SLC5A10: variants seen among roughly 807,000 people sequenced by gnomAD.
The protein encoded by SLC5A10 is solute carrier family 5 member 10, also known as sodium/mannose cotransporter SLC5A10.
A neutral mutation model predicts 68.9 loss-of-function variants in SLC5A10; 55 were observed. That is an observed-to-expected ratio of 0.80 (90% CI 0.64 to 1.00). The LOEUF (loss-of-function observed/expected upper bound fraction) is 1.00. Among genes scored for constraint, SLC5A10 ranks in the 50% least tolerant of loss-of-function variants. The probability of loss-of-function intolerance (pLI) is 0.00; values close to 1 mark genes in which losing one functional copy is unlikely to be tolerated. For synonymous variants in SLC5A10, 344 were observed against 344.8 expected, an observed-to-expected ratio of 1.00 and a Z score of 0.02; for missense variants, 732 against 819.3, an observed-to-expected ratio of 0.89 and a Z score of 1.30.
chr17:19,020,551 T>TGA lies in SLC5A10; in HGVS notation c.*121_*122insAG. 1.2e-5 allele frequency: 11 copies of TGA among 939,848 alleles called. No individual in the cohort carries two copies. Among genetic ancestry groups the TGA allele is most frequent in the Non-Finnish European group, 1.7e-5 (11 of 630,928 alleles). The allele number at this position is 939,848 out of a possible 1,614,324, so 58.2% of individuals were successfully genotyped here. On this transcript the variant is annotated 3_prime_UTR_variant, in exon 15 of 15. Transcript: ENST00000395645. The stretch of plus-strand genomic sequence containing the variant: ...CCCTCACAGCTGCACAGCAGCTCGG[T>TGA]GCCCAAGAACTGGCCAAGCCAGCAA...
intron 5 of SLC5A10, 145 bp downstream of exon 5, chr17:18,960,797 C>T (rs778587848): frequency 6.2e-6 from 5 of 804,526 alleles, no homozygotes; most frequent in East Asian, 2.7e-5. Flanking sequence ...CAATGACTTG[C>T]CCAGGGTCAC....
chr17:18,959,715 T>C, intron 4 of SLC5A10, 52 bp downstream of exon 4: 2 of 1,577,864 alleles, frequency 1.3e-6, no homozygotes, highest in African/African-American at 1.3e-5. Context: ...TGGTCCAAGT[T>C]GGTGGTAGTA....
chr17:18,954,033 G>A (rs2042434971), intron 1 of SLC5A10: 1 of 152,208 alleles, frequency 6.6e-6, no homozygotes, highest in Non-Finnish European at 1.5e-5. Context: ...AATCTCTGTG[G>A]GCTTCAGTTT....
intron 9 of SLC5A10, among the ~76,000 whole-genome samples, chr17:19,010,290 G>A (rs1463692582): frequency 1.3e-5 from 2 of 152,172 alleles, no homozygotes; most frequent in Non-Finnish European, 2.9e-5. Flanking sequence ...ACAAGGGGAC[G>A]AGGAGGGGCA....
rs778062940 is a variant in SLC5A10 at position 18,971,324 on chromosome 17, C to CA, written c.846+106_846+107insA. The CA allele has an allele frequency of 3.1e-6, 5 of 1,606,466 alleles. No individual in the cohort carries two copies. In the African/African-American group the frequency reaches 4.0e-5, roughly 13 times the overall value. On this transcript the variant is annotated intron_variant, in intron 8 of 14. Transcript: ENST00000395645. The surrounding 1 kb of genome is among the most constrained non-coding windows in gnomAD (Gnocchi z 5.5). Reference sequence around the variant, plus strand: ...TCCGCGTCATGAGTCTGGGCTGGGGCCTCAGAAGGTGTGGCTCCAGGCTGG... The same window carrying CA: ...TCCGCGTCATGAGTCTGGGCTGGGGCACTCAGAAGGTGTGGCTCCAGGCTGG...
intron 9 of SLC5A10, among the ~76,000 whole-genome samples, chr17:18,989,471 A>G (rs906558380): frequency 2.0e-5 from 3 of 152,228 alleles, no homozygotes; most frequent in Non-Finnish European, 4.4e-5. Flanking sequence ...ACCTGGCACC[A>G]AAGCCCAAAC....
intron 5 of SLC5A10, 56 bp downstream of exon 5, chr17:18,960,708 G>T: frequency 6.6e-7 from 1 of 1,523,182 alleles, no homozygotes; most frequent in South Asian, 1.1e-5. Context: ...CAATCTGTGG[G>T]CCCCTCAAGA....
At chr17:18,965,648 G>A (rs1349242205) in intron 5 of SLC5A10, among the ~76,000 whole-genome samples, 1 of 152,200 alleles carries the variant, frequency 6.6e-6, no homozygotes, top group Non-Finnish European at 1.5e-5. Context: ...TCAGTCCCAC[G>A]CTGCACCACA....
intron 2 of SLC5A10, 130 bp from the exon 3 acceptor site, chr17:18,959,005 G>C: frequency 1.1e-6 from 1 of 887,892 alleles, no homozygotes; most frequent in Non-Finnish European, 1.7e-6. Context: ...CACACACCCT[G>C]GGCTCCTCAT....
Position 18,952,269 on chromosome 17 carries a change from AT to A in SLC5A10, c.65del (p.Ile22ThrfsTer9). The A allele has an allele frequency of 6.2e-7, 1 of 1,613,952 alleles. No homozygotes were observed. ...GACGCAGCTGAGCGTGGCTGACATC[AT>A]CGTCATCACTGTGTATTTTGCTCTG... The part of the protein sequence containing the change: ...PGTQLSVADI[I>X]VITVYFALNV... On this transcript the variant is annotated frameshift_variant, in exon 1 of 15. Transcript: ENST00000395645. LOFTEE classifies it high-confidence loss of function.
chr17:18,981,759 G>A (rs1418692750), intron 9 of SLC5A10, among the ~76,000 whole-genome samples: 2 of 152,308 alleles, frequency 1.3e-5, no homozygotes, highest in South Asian at 2.1e-4. Flanking sequence ...TCCCAGGGCC[G>A]CCCTCGCCGG....
At chr17:18,961,118 C>T (rs950816287) in intron 5 of SLC5A10, among the ~76,000 whole-genome samples, 1 of 152,226 alleles carries the variant, frequency 6.6e-6, no homozygotes, top group Non-Finnish European at 1.5e-5. Flanking sequence ...GCCCTGCCCC[C>T]ACGGGCATAT....
chr17:19,003,980 G>T lies in SLC5A10; in HGVS notation c.983-9430G>T, dbSNP rs932419706. On this transcript the variant is annotated intron_variant, in intron 9 of 14. Transcript: ENST00000395645. This position sits in a 1 kb window ranked among gnomAD's most constrained non-coding sequence, Gnocchi z 4.5. ...CTCGCTGTAGAAGAACTCAGGCTTG[G>T]ACTCGCTGGAGCGCCAGTTCACATG... 1.2e-6 allele frequency: 2 copies of T among 1,612,410 alleles called. No homozygotes were observed. The highest frequency in any genetic ancestry group is 1.3e-5 in the African/African-American group (1 of 74,918).
Position 19,020,422 on chromosome 17 carries a change from C to T in SLC5A10, c.1782C>T (p.Tyr594=), listed in dbSNP as rs765198248. Residue 594 remains tyrosine, a synonymous_variant, in exon 15 of 15, where the codon TAC becomes TAT. Transcript: ENST00000395645. ...GTGTCAACATATTCTTTTATGCCTA[C>T]TTCGCCTGACACTGCCATCCTGGAC... is the stretch of plus-strand genomic sequence containing the variant. ...LMCVNIFFYA[Y]FA The T allele has an allele frequency of 6.2e-7, 1 of 1,613,602 alleles. No individual in the cohort carries two copies. The highest frequency in any genetic ancestry group is 1.1e-5 in the South Asian group (1 of 91,080).
chr17:18,957,314 C>G (rs1397955546), intron 1 of SLC5A10, among the ~76,000 whole-genome samples: 1 of 152,150 alleles, frequency 6.6e-6, no homozygotes, highest in African/African-American at 2.4e-5. Context: ...AATTTTTATT[C>G]CACTTACATG....
At chr17:18,991,515 G>A (rs946787417) in intron 9 of SLC5A10, among the ~76,000 whole-genome samples, 3 of 152,166 alleles carry the variant, frequency 2.0e-5, no homozygotes, top group African/African-American at 7.2e-5. Flanking sequence ...AAATGAGAGG[G>A]GAGGCTGACT....
In SLC5A10 at chr17:19,013,407, C is replaced by T. The variant is rs753957765; in HGVS notation, c.983-3C>T. 5.0e-6 allele frequency: 8 copies of T among 1,606,620 alleles called. No homozygotes were observed. The highest frequency in any genetic ancestry group is 6.8e-6 in the Non-Finnish European group (8 of 1,176,336). On this transcript the variant is annotated splice_region_variant and splice_polypyrimidine_tract_variant and intron_variant, in intron 9 of 14. Transcript: ENST00000395645. ...AGACACCAAGTGTCCGTCTCTCGAA[C>T]AGATGATGTGGGCTGCGTGGTGCCG...
intron 13 of SLC5A10, 54 bp from the exon 14 acceptor site, chr17:19,020,101 A>ACGCCCCCCCC: frequency 8.1e-7 from 1 of 1,227,278 alleles, no homozygotes; most frequent in Non-Finnish European, 1.2e-6. Flanking sequence ...TGTCTGGGTC[A>ACGCCCCCCCC]CCCCCACCCT....
At chr17:19,020,258 G>A in intron 14 of SLC5A10, 46 bp downstream of exon 14, 1 of 1,612,278 alleles carries the variant, frequency 6.2e-7, no homozygotes. Flanking sequence ...CCCTGGCCTG[G>A]AGGCAAGGGC....
Sources: allele counts gnomAD v4.1 joint callset (sites outside exome capture counted in the v4.1 genomes callset), GRCh38; gene constraint gnomAD v4.1.1; non-coding constraint Gnocchi (gnomAD v3.1); transcripts MANE v1.5; gene names NCBI Gene and HGNC (gene_info 2026-07-23, HGNC 2026-07-21).